ZNF638: variants seen among roughly 807,000 people sequenced by gnomAD.
ZNF638 encodes zinc finger protein 638, also known as CTCL tumor antigen se33-1.
ZNF638 carries 46 observed loss-of-function variants against 195.6 expected under a neutral mutation model. The ratio of observed to expected loss-of-function variants is 0.24; its 90% CI spans 0.19 to 0.30. The LOEUF is 0.30. ZNF638 is among the 10% of genes least tolerant of loss of function. The pLI is 1.00. For synonymous variants in ZNF638, 845 were observed against 772.0 expected (o/e 1.09, Z -1.57); for missense variants, 2,440 against 2,325.3 (o/e 1.05, Z -1.01).
intron 1 of ZNF638, among the ~76,000 whole-genome samples, chr2:71,332,529 G>A (rs1340067999): frequency 6.6e-6 from 1 of 152,216 alleles, no homozygotes; most frequent in African/African-American, 2.4e-5. Context: ...CTCTGTGGGA[G>A]ACTGAGGACT....
intron 10 of ZNF638, among the ~76,000 whole-genome samples, chr2:71,383,143 T>C (rs1161726010): frequency 6.6e-6 from 1 of 152,030 alleles, no homozygotes; most frequent in Non-Finnish European, 1.5e-5. Context: ...GCCAACATGG[T>C]GAAACCCCGT....
At chr2:71,361,119 G>A (rs1486654284) in intron 3 of ZNF638, among the ~76,000 whole-genome samples, 1 of 152,074 alleles carries the variant, frequency 6.6e-6, no homozygotes, top group African/African-American at 2.4e-5. Flanking sequence ...GTGCCACCAC[G>A]CTCAGCTAAT....
intron 8 of ZNF638, among the ~76,000 whole-genome samples, chr2:71,374,302 C>A (rs1398125365): frequency 6.6e-6 from 1 of 152,154 alleles, no homozygotes; most frequent in Non-Finnish European, 1.5e-5. Flanking sequence ...ATTTGAAAAG[C>A]TTCTTTTATG....
intron 10 of ZNF638, chr2:71,393,360 G>T (rs1420411572): frequency 1.4e-6 from 1 of 713,322 alleles, no homozygotes; most frequent in Non-Finnish European, 2.6e-6. Context: ...CTAACGTGGG[G>T]AAGATGATAT....
At chr2:71,386,180 G>A (rs1193437069) in intron 10 of ZNF638, among the ~76,000 whole-genome samples, 4 of 151,684 alleles carry the variant, frequency 2.6e-5, no homozygotes, top group Admixed American at 1.3e-4. Flanking sequence ...GCATGTGCCA[G>A]CTACTTGCAA....
chr2:71,366,120 G>T (rs995178651), intron 6 of ZNF638, among the ~76,000 whole-genome samples: 2 of 152,154 alleles, frequency 1.3e-5, no homozygotes, highest in Non-Finnish European at 2.9e-5. Context: ...GAGGCCAAGC[G>T]GGGTGGATCG....
At chr2:71,434,641 G>T in intron 27 of ZNF638, 101 bp from the exon 28 acceptor site, 1 of 936,708 alleles carries the variant, frequency 1.1e-6, no homozygotes. Context: ...ATATTTTGTA[G>T]GATCAGTTTC....
In ZNF638 at chr2:71,350,058, A is replaced by G; in HGVS notation, c.1104A>G (p.Gly368=). 6.2e-7 allele frequency: 1 copy of G among 1,614,198 alleles called. No homozygotes were observed. The highest frequency in any genetic ancestry group is 2.2e-5 in the East Asian group (1 of 44,876). ...NSSNVHVGSR[G]SKKNYQSQAD... is the part of the protein sequence containing the mutation. ...CTAACGTACATGTTGGATCAAGAGG[A>G]AGTAAAAAGAATTACCAGTCACAGG... Residue 368 remains glycine (G), a synonymous_variant, in exon 2 of 28, where the codon GGA becomes GGG. Transcript: ENST00000264447.
At chr2:71,395,967 C>T (rs1281912782) in intron 10 of ZNF638, 174 bp from the exon 11 acceptor site, 1 of 641,024 alleles carries the variant, frequency 1.6e-6, no homozygotes, top group South Asian at 1.8e-5. Flanking sequence ...CCTTTTGATA[C>T]ATCAAGTCCA....
chr2:71,367,238 T>C (rs1427428777), intron 6 of ZNF638, among the ~76,000 whole-genome samples: 1 of 151,632 alleles, frequency 6.6e-6, no homozygotes, highest in African/African-American at 2.4e-5. Context: ...AGTGGAACTT[T>C]TTTTTTTTTA....
chr2:71,349,297 G>T lies in ZNF638; in HGVS notation c.343G>T (p.Ala115Ser). 3 of 1,614,136 alleles carry T rather than the reference G, an allele frequency of 1.9e-6. No individual in the cohort carries two copies. The highest frequency in any genetic ancestry group is 1.7e-6 in the Non-Finnish European group (2 of 1,180,026). Reference sequence around the variant, plus strand: ...TGAGCCTCATATATCTGCATCAGTGGCAGTGAAACAGAGTTCTGTAACACA... The same window carrying T: ...TGAGCCTCATATATCTGCATCAGTGTCAGTGAAACAGAGTTCTGTAACACA... ...DDEPHISASVAVKQSSVTQVT... is the reference protein window; with the variant it reads ...DDEPHISASVSVKQSSVTQVT... Residue 115 changes from alanine (A) to serine (S), a missense_variant, in exon 2 of 28, where the codon GCA (alanine) becomes TCA (serine). Ala to Ser is a moderately conservative substitution (Grantham distance 99). Transcript: ENST00000264447.
At chr2:71,393,322 T>G (rs2079824007) in intron 10 of ZNF638, 7 of 672,280 alleles carry the variant, frequency 1.0e-5, no homozygotes, top group Non-Finnish European at 1.9e-5. Context: ...ATGTAAATAG[T>G]AACGTATGGT....
intron 21 of ZNF638, among the ~76,000 whole-genome samples, chr2:71,419,964 C>CT (rs1204235029): frequency 1.3e-5 from 1 of 75,566 alleles, no homozygotes; most frequent in African/African-American, 5.1e-5. Flanking sequence ...TAATTCCCAC[C>CT]CCCCCCCGCC....
At chr2:71,368,222 G>A (rs930057753) in intron 6 of ZNF638, among the ~76,000 whole-genome samples, 160 bp from the exon 7 acceptor site, 4 of 152,092 alleles carry the variant, frequency 2.6e-5, no homozygotes, top group East Asian at 1.9e-4. Context: ...TTAAAAATGC[G>A]TAAAGGAGGT....
chr2:71,344,704 A>G (rs1036491806), intron 1 of ZNF638, among the ~76,000 whole-genome samples: 2 of 152,172 alleles, frequency 1.3e-5, no homozygotes, highest in Non-Finnish European at 2.9e-5. Flanking sequence ...TGAGAAGGAC[A>G]TACATAAAAG....
intron 10 of ZNF638, among the ~76,000 whole-genome samples, chr2:71,389,759 T>C (rs1460762516): frequency 6.6e-6 from 1 of 152,226 alleles, no homozygotes; most frequent in Non-Finnish European, 1.5e-5. Context: ...ATTTTTTGAA[T>C]TTATCAATCG....
At chr2:71,368,730 A>G (rs573629101) in intron 7 of ZNF638, among the ~76,000 whole-genome samples, 2 of 152,338 alleles carry the variant, frequency 1.3e-5, no homozygotes, top group Admixed American at 6.5e-5. Context: ...CTTTTTCTGT[A>G]AAGGGCCAGC....
In ZNF638 at chr2:71,386,392, A is replaced by G. The variant is rs371659025; in HGVS notation, c.2377+5827A>G. On this transcript the variant is annotated intron_variant, in intron 10 of 27. Transcript: ENST00000264447. ...CACACACATACATATACAAGTACAC[A>G]TATGTTAAAAGCCAGCATATGTTTA... 6.6e-5 allele frequency among the ~76,000 whole-genome samples: 10 copies of G among 152,208 alleles called. No homozygotes were observed. In the South Asian group the frequency reaches 8.3e-4, roughly 13 times the overall value.
At chr2:71,351,302 A>C (rs909520952) in intron 2 of ZNF638, among the ~76,000 whole-genome samples, 1 of 152,186 alleles carries the variant, frequency 6.6e-6, no homozygotes, top group African/African-American at 2.4e-5. Flanking sequence ...TGAATCTGAT[A>C]ATTAGATCTG....
Sources: allele counts gnomAD v4.1 joint callset (sites outside exome capture counted in the v4.1 genomes callset), GRCh38; gene constraint gnomAD v4.1.1; transcripts MANE v1.5; gene names NCBI Gene and HGNC (gene_info 2026-07-23, HGNC 2026-07-21).